ABCC5: variants seen among roughly 807,000 people sequenced by gnomAD.
ABCC5 encodes the protein ATP-binding cassette sub-family C member 5.
In ABCC5, 61 loss-of-function variants were observed where a neutral mutation model predicts 160.9. That is an observed-to-expected ratio of 0.38 (90% CI 0.31 to 0.47). The LOEUF (loss-of-function observed/expected upper bound fraction) is 0.47. ABCC5 is among the 20% of genes least tolerant of loss of function. ABCC5 has a pLI of 0.99. For synonymous variants in ABCC5, 666 were observed against 700.6 expected, an observed-to-expected ratio of 0.95 and a Z score of 0.78; for missense variants, 1,308 against 1,813.3, an observed-to-expected ratio of 0.72 and a Z score of 5.06.
Position 183,953,242 on chromosome 3 carries a change from C to T in ABCC5, c.2511G>A (p.Gly837=). The T allele has an allele frequency of 6.2e-7, 1 of 1,611,736 alleles. No individual in the cohort carries two copies. The highest frequency in any genetic ancestry group is 8.5e-7 in the Non-Finnish European group (1 of 1,178,898). ...EGQLVQLEEK[G]QGSVPWSVYG... is the part of the protein sequence containing the mutation. ...ATACTGACCAGGGCACTGAACCCTG[C>T]CCTTTCTCTTCCAGCTGCACAAGCT... is the stretch of plus-strand genomic sequence containing the variant. Residue 837 remains glycine, a synonymous_variant, in exon 18 of 30, where the codon GGG becomes GGA. Coordinates refer to ENST00000334444, the MANE Select transcript of ABCC5 (RefSeq NM_005688.4).
At chr3:183,941,756 G>T (rs1004961915) in intron 25 of ABCC5, among the ~76,000 whole-genome samples, 1 of 151,956 alleles carries the variant, frequency 6.6e-6, no homozygotes, top group African/African-American at 2.4e-5. Context: ...AGGCTGAGGC[G>T]GGTGGATCAT....
In ABCC5 at chr3:183,988,489, C is replaced by G; in HGVS notation, c.443+83G>C. The G allele has an allele frequency of 6.6e-7, 1 of 1,508,192 alleles. No homozygotes were observed. Among genetic ancestry groups the G allele is most frequent in the Non-Finnish European group, 8.9e-7 (1 of 1,127,060 alleles). The allele number at this position is 1,508,192 out of a possible 1,614,324, so 93.4% of individuals were successfully genotyped here. A position where few individuals can be genotyped will look rare whatever the true frequency, so the allele number is the denominator to read the frequency against. ...ACTGGACAGCTCGGCTCTTTAAAGACACAGAGCTGTGGACTTCACACTCCT... is the reference window on the plus strand; with the variant it reads ...ACTGGACAGCTCGGCTCTTTAAAGAGACAGAGCTGTGGACTTCACACTCCT... On this transcript the variant is annotated intron_variant, in intron 4 of 29. Transcript: ENST00000334444. The surrounding 1 kb of genome is among the most constrained non-coding windows in gnomAD (Gnocchi z 4.4).
chr3:183,936,058 T>C (rs549887864), intron 26 of ABCC5, among the ~76,000 whole-genome samples: 1 of 152,180 alleles, frequency 6.6e-6, no homozygotes, highest in African/African-American at 2.4e-5. Flanking sequence ...GTGATGGTGT[T>C]TGGAGGTGGG....
chr3:183,948,399 CAT>C (rs577761229), intron 22 of ABCC5, among the ~76,000 whole-genome samples: 99 of 152,260 alleles, frequency 6.5e-4, no homozygotes, highest in African/African-American at 2.3e-3. Context: ...GGTATATACA[CAT>C]GTACGTATTT....
At position 183,959,766 on chromosome 3, in the gene ABCC5, C is replaced by T. The variant is rs776943581; in HGVS notation, c.2449G>A (p.Val817Ile). 1 of 1,612,588 alleles carries T rather than the reference C, an allele frequency of 6.2e-7. No homozygotes were observed. Among genetic ancestry groups the T allele is most frequent in the Non-Finnish European group, 8.5e-7 (1 of 1,179,454 alleles). The part of the protein sequence containing the change: ...SQDKGPKTGS[V>I]KKEKAVKPEE... ...GGCTTTACTGCTTTTTCCTTCTTTA[C>T]TGATCCTGTTTTAGGACCCTTGTCT... Residue 817 changes from valine to isoleucine, a missense_variant, in exon 17 of 30, where the codon GTA (valine) becomes ATA (isoleucine). By Grantham distance (29) the Val-to-Ile change is conservative. Transcript: ENST00000334444.
chr3:183,957,810 A>G (rs181527426), intron 17 of ABCC5, among the ~76,000 whole-genome samples: 4,812 of 144,556 alleles, frequency 0.033, 122 homozygotes, highest in East Asian at 0.11. Flanking sequence ...GGTTACACGC[A>G]GATCCGTGTG....
At chr3:183,925,797 T>C (rs56348509) in intron 28 of ABCC5, 78 bp from the exon 29 acceptor site, 380,788 of 1,384,546 alleles carry the variant, frequency 0.28, 57,327 homozygotes, top group Middle Eastern at 0.31. Context: ...TACTAAAATG[T>C]ATTTCATTTA....
intron 27 of ABCC5, 90 bp from the exon 28 acceptor site, chr3:183,927,533 C>A (rs892713064): frequency 1.3e-6 from 2 of 1,504,320 alleles, no homozygotes; most frequent in Admixed American, 2.0e-5. Flanking sequence ...ATTCTGAAAG[C>A]GATGAAAGAA....
At chr3:183,937,661 C>G (rs1371094872) in intron 26 of ABCC5, among the ~76,000 whole-genome samples, 1 of 152,210 alleles carries the variant, frequency 6.6e-6, no homozygotes, top group Non-Finnish European at 1.5e-5. Flanking sequence ...GGGCCCAGAC[C>G]TCTCTGGCCT....
intron 12 of ABCC5, among the ~76,000 whole-genome samples, chr3:183,966,226 G>A (rs1044738452): frequency 6.6e-6 from 1 of 152,138 alleles, no homozygotes; most frequent in Non-Finnish European, 1.5e-5. Context: ...CATATAAGCT[G>A]GTCTTCTCAA....
chr3:183,953,770 A>C (rs1028639461), intron 17 of ABCC5, among the ~76,000 whole-genome samples: 21 of 152,168 alleles, frequency 1.4e-4, no homozygotes, highest in African/African-American at 5.1e-4. Flanking sequence ...AGAAAACAAC[A>C]CAAGCACAGG....
intron 26 of ABCC5, among the ~76,000 whole-genome samples, chr3:183,937,270 G>T (rs372298948): frequency 6.6e-6 from 1 of 152,168 alleles, no homozygotes; most frequent in Admixed American, 6.5e-5. Context: ...CCAGCTATTC[G>T]GGAGGCTGTG....
intron 2 of ABCC5, among the ~76,000 whole-genome samples, chr3:184,009,607 AT>A (rs889387246): frequency 1.3e-5 from 2 of 152,170 alleles, no homozygotes; most frequent in Non-Finnish European, 2.9e-5. Flanking sequence ...CATCTGAGAA[AT>A]TTTGTTTTTT....
At chr3:183,922,873 G>A (rs1560462391) in intron 29 of ABCC5, among the ~76,000 whole-genome samples, 1 of 136,520 alleles carries the variant, frequency 7.3e-6, no homozygotes, top group Non-Finnish European at 1.6e-5. Context: ...GCTTGAGCAG[G>A]CATCCTGTAC....
In ABCC5 at chr3:183,921,737, G is replaced by A. The variant is rs1162224072; in HGVS notation, c.4213-336C>T. Among the ~76,000 whole-genome samples the A allele has an allele frequency of 6.6e-6, 1 of 151,994 alleles. No homozygotes were observed. Among genetic ancestry groups the A allele is most frequent in the Non-Finnish European group, 1.5e-5 (1 of 68,004 alleles). On this transcript the variant is annotated intron_variant, in intron 29 of 29. Coordinates refer to ENST00000334444, the MANE Select transcript of ABCC5 (RefSeq NM_005688.4). This position sits in a 1 kb window ranked among gnomAD's most constrained non-coding sequence, Gnocchi z 4.1. ...GGGAGTGAAGGAACCAACCAACCAG[G>A]TCTATAAACTGCAGGAGGCTGGTGG... is the stretch of plus-strand genomic sequence containing the variant.
chr3:183,994,855 GTTTTT>G (rs71632005), intron 2 of ABCC5, among the ~76,000 whole-genome samples: 2 of 109,706 alleles, frequency 1.8e-5, no homozygotes, highest in Non-Finnish European at 4.0e-5. Context: ...CATTTTCTAT[GTTTTT>G]TTTTTTTTTT....
At chr3:183,964,952 C>T (rs972605302) in intron 14 of ABCC5, among the ~76,000 whole-genome samples, 6 of 152,232 alleles carry the variant, frequency 3.9e-5, no homozygotes, top group Non-Finnish European at 7.3e-5. Flanking sequence ...TCTGAGTCAA[C>T]AATGGGATTT....
chr3:183,985,797 G>A (rs769659069), intron 5 of ABCC5: 5 of 222,028 alleles, frequency 2.3e-5, no homozygotes, highest in South Asian at 6.8e-5. Flanking sequence ...AGTCCCCACC[G>A]GCGTCACCAA....
chr3:183,996,666 G>C (rs922927221), intron 2 of ABCC5, among the ~76,000 whole-genome samples: 3 of 152,174 alleles, frequency 2.0e-5, no homozygotes, highest in Non-Finnish European at 4.4e-5. Flanking sequence ...TTTGGTTTTA[G>C]AACAGGCACT....
Sources: allele counts gnomAD v4.1 joint callset (sites outside exome capture counted in the v4.1 genomes callset), GRCh38; gene constraint gnomAD v4.1.1; non-coding constraint Gnocchi (gnomAD v3.1); transcripts MANE v1.5; gene names NCBI Gene and HGNC (gene_info 2026-07-23, HGNC 2026-07-21).